Variants in LRMDA observed in about 807,000 individuals in gnomAD.
LRMDA encodes leucine rich melanocyte differentiation associated.
LRMDA carries 18 observed loss-of-function variants against 29.8 expected under a neutral mutation model. The ratio of observed to expected loss-of-function variants is 0.60; its 90% CI spans 0.42 to 0.90. The LOEUF is 0.90. LRMDA is among the 40% of genes least tolerant of loss of function. The pLI is 0.00. For synonymous variants in LRMDA, 125 were observed against 109.4 expected, an observed-to-expected ratio of 1.14 and a Z score of -0.89; for missense variants, 273 against 273.9, an observed-to-expected ratio of 1.00 and a Z score of 0.02.
intron 5 of LRMDA, among the ~76,000 whole-genome samples, chr10:76,142,217 C>T (rs1197407483): frequency 1.3e-5 from 2 of 152,030 alleles, no homozygotes; most frequent in African/African-American, 2.4e-5. Flanking sequence ...TTGAATTAAT[C>T]ATAATTCTTG....
At chr10:75,750,676 C>T (rs1216873330) in intron 2 of LRMDA, among the ~76,000 whole-genome samples, 19 of 133,426 alleles carry the variant, frequency 1.4e-4, no homozygotes, top group Admixed American at 1.1e-3. Flanking sequence ...ACTTCCCAGA[C>T]GGGATGGCGG....
At chr10:75,990,417 C>T (rs1271553425) in intron 2 of LRMDA, among the ~76,000 whole-genome samples, 1 of 152,210 alleles carries the variant, frequency 6.6e-6, no homozygotes, top group Non-Finnish European at 1.5e-5. Flanking sequence ...CTTGTTAACC[C>T]TGCTCTGCTG....
chr10:75,702,141 T>C (rs1369982725), intron 2 of LRMDA, among the ~76,000 whole-genome samples: 1 of 152,194 alleles, frequency 6.6e-6, no homozygotes, highest in East Asian at 1.9e-4. Flanking sequence ...CTGCACCCTG[T>C]TGACTAGTTT....
chr10:76,347,718 G>A (rs929498749), intron 6 of LRMDA, among the ~76,000 whole-genome samples: 1 of 152,062 alleles, frequency 6.6e-6, no homozygotes, highest in Non-Finnish European at 1.5e-5. Context: ...TGAGTAAAAT[G>A]GACTGGTAAT....
chr10:76,099,080 A>T (rs1026984073), intron 5 of LRMDA, among the ~76,000 whole-genome samples: 1 of 152,126 alleles, frequency 6.6e-6, no homozygotes, highest in African/African-American at 2.4e-5. Context: ...GGAGGGTCAG[A>T]ATCTTGTGCC....
chr10:75,764,396 A>G (rs1225756435), intron 2 of LRMDA, among the ~76,000 whole-genome samples: 1 of 152,208 alleles, frequency 6.6e-6, no homozygotes, highest in Non-Finnish European at 1.5e-5. Context: ...GTCTTTATGC[A>G]AAACAGCCTG....
chr10:75,840,120 C>G (rs1189352729), intron 2 of LRMDA, among the ~76,000 whole-genome samples: 1 of 152,110 alleles, frequency 6.6e-6, no homozygotes, highest in Non-Finnish European at 1.5e-5. Context: ...TCATCCAATT[C>G]TACTTCTTTC....
intron 2 of LRMDA, among the ~76,000 whole-genome samples, chr10:75,838,476 T>G (rs1251815102): frequency 6.6e-6 from 1 of 152,232 alleles, no homozygotes. Flanking sequence ...ATTTTCATAT[T>G]TTTGCCAGCT....
intron 2 of LRMDA, among the ~76,000 whole-genome samples, chr10:75,533,797 G>A (rs910671511): frequency 1.3e-5 from 2 of 152,140 alleles, no homozygotes; most frequent in Non-Finnish European, 2.9e-5. Context: ...GAGAGTCAAC[G>A]ATATTCCACA....
intron 2 of LRMDA, among the ~76,000 whole-genome samples, chr10:75,682,505 A>C (rs1333051084): frequency 6.6e-6 from 1 of 152,138 alleles, no homozygotes; most frequent in Non-Finnish European, 1.5e-5. Flanking sequence ...GTGTGTGCAC[A>C]TGTATAATAT....
intron 2 of LRMDA, among the ~76,000 whole-genome samples, chr10:75,670,112 T>C (rs1841872736): frequency 6.6e-6 from 1 of 152,212 alleles, no homozygotes; most frequent in African/African-American, 2.4e-5. Flanking sequence ...GAAGAAGACA[T>C]TTGCGTCTTT....
chr10:75,991,555 T>C (rs962714525), intron 2 of LRMDA, among the ~76,000 whole-genome samples: 9 of 152,206 alleles, frequency 5.9e-5, no homozygotes, highest in African/African-American at 2.2e-4. Context: ...GGCAAATACA[T>C]TTTATTGCAT....
intron 5 of LRMDA, among the ~76,000 whole-genome samples, chr10:76,099,662 T>C (rs1263238246): frequency 6.6e-6 from 1 of 152,114 alleles, no homozygotes; most frequent in Non-Finnish European, 1.5e-5. Context: ...TAGACTTTAA[T>C]TTGTTAATTT....
intron 2 of LRMDA, among the ~76,000 whole-genome samples, chr10:75,685,911 G>T (rs926424377): frequency 3.3e-5 from 5 of 152,208 alleles, no homozygotes; most frequent in Admixed American, 2.6e-4. Flanking sequence ...GCCAGCTACA[G>T]TTCTAAGTGC....
chr10:76,036,138 T>C lies in LRMDA; in HGVS notation c.258+4T>C, dbSNP rs1564635585. The C allele has an allele frequency of 2.5e-6, 4 of 1,612,382 alleles. No homozygotes were observed. In the Admixed American group the frequency reaches 6.7e-5, roughly 27 times the overall value. ...CTTAACCCTCAACAAGAACCGAATA[T>C]CCTTTCCTCTGCCCGCTGCCCCCAC... On this transcript the variant is annotated splice_donor_region_variant and intron_variant, in intron 3 of 6. Transcript: ENST00000611255.
intron 5 of LRMDA, among the ~76,000 whole-genome samples, chr10:76,252,694 G>C (rs893088783): frequency 6.6e-6 from 1 of 152,192 alleles, no homozygotes; most frequent in African/African-American, 2.4e-5. Flanking sequence ...TTTTCTGCCT[G>C]TCTTAAACTC....
At chr10:75,463,676 T>C (rs1844616362) in intron 2 of LRMDA, among the ~76,000 whole-genome samples, 1 of 151,928 alleles carries the variant, frequency 6.6e-6, no homozygotes, top group Admixed American at 6.6e-5. Context: ...TTGTTTGTCT[T>C]GTTTTTTTTG....
chr10:76,275,700 G>GT (rs1247640285), intron 5 of LRMDA, among the ~76,000 whole-genome samples: 3 of 151,920 alleles, frequency 2.0e-5, no homozygotes, highest in Non-Finnish European at 1.5e-5. Flanking sequence ...GTGTGTGTTG[G>GT]TTTTTTGTTT....
intron 6 of LRMDA, among the ~76,000 whole-genome samples, chr10:76,484,069 G>T (rs992469167): frequency 5.9e-5 from 9 of 151,660 alleles, no homozygotes; most frequent in Non-Finnish European, 1.3e-4. Flanking sequence ...ATTGTCATAT[G>T]CTCTTCCTCC....
Sources: allele counts gnomAD v4.1 joint callset (sites outside exome capture counted in the v4.1 genomes callset), GRCh38; gene constraint gnomAD v4.1.1; transcripts MANE v1.5; gene names NCBI Gene and HGNC (gene_info 2026-07-23, HGNC 2026-07-21).